The following FRY variants were observed in gnomAD, a reference collection of about 807,000 sequenced individuals.
The protein encoded by FRY is FRY microtubule binding protein, also known as protein furry homolog.
FRY carries 128 observed loss-of-function variants against 348.4 expected under a neutral mutation model. The ratio of observed to expected loss-of-function variants is 0.37; its 90% confidence interval spans 0.32 to 0.43. FRY has a LOEUF of 0.43. FRY is among the 20% of genes least tolerant of loss of function. The pLI, the probability that FRY is intolerant of heterozygous loss-of-function variation, is 1.00. For missense variants in FRY, 2,736 were observed against 3,695.2 expected (o/e 0.74, Z 6.73); for synonymous variants, 1,370 against 1,374.7 (o/e 1.00, Z 0.08).
At chr13:32,220,366 A>G (rs570066820) in intron 36 of FRY, among the ~76,000 whole-genome samples, 1 of 152,230 alleles carries the variant, frequency 6.6e-6, no homozygotes, top group African/African-American at 2.4e-5. Flanking sequence ...TCATGCTCTA[A>G]TGTAGGTTAA....
At chr13:32,221,239 C>G (rs112344002) in intron 36 of FRY, among the ~76,000 whole-genome samples, 25 of 152,310 alleles carry the variant, frequency 1.6e-4, no homozygotes, top group African/African-American at 5.1e-4. Context: ...CAGCATTCTA[C>G]ACTGGACCAG....
At chr13:32,093,205 C>T (rs1185230110) in intron 2 of FRY, among the ~76,000 whole-genome samples, 3 of 152,174 alleles carry the variant, frequency 2.0e-5, no homozygotes, top group African/African-American at 4.8e-5. Flanking sequence ...CTAAACAAAA[C>T]TGCAATACTA....
chr13:32,144,705 G>A (rs1417757141), intron 11 of FRY, among the ~76,000 whole-genome samples: 4 of 152,188 alleles, frequency 2.6e-5, no homozygotes, highest in African/African-American at 9.7e-5. Context: ...CTATCAGAAA[G>A]TTAAGACACT....
intron 18 of FRY, 29 bp downstream of exon 18, chr13:32,171,299 A>ATAT: frequency 9.4e-6 from 6 of 638,158 alleles, no homozygotes; most frequent in African/African-American, 8.9e-5. Flanking sequence ...CCATGAATTT[A>ATAT]TATTCTTTTT....
chr13:32,192,081 A>G (rs1023867755), intron 28 of FRY, among the ~76,000 whole-genome samples: 3 of 152,110 alleles, frequency 2.0e-5, no homozygotes, highest in African/African-American at 4.8e-5. Flanking sequence ...GAGAGTGCCC[A>G]GGGGAGGGTT....
At chr13:32,119,108 A>G (rs1878488345) in intron 4 of FRY, among the ~76,000 whole-genome samples, 1 of 152,244 alleles carries the variant, frequency 6.6e-6, no homozygotes, top group Non-Finnish European at 1.5e-5. Context: ...ATAAAGAATC[A>G]GGACAGTAAA....
At chr13:32,212,888 T>C (rs1318465418) in intron 35 of FRY, among the ~76,000 whole-genome samples, 4 of 152,188 alleles carry the variant, frequency 2.6e-5, no homozygotes, top group Non-Finnish European at 5.9e-5. Context: ...TTAATAATAA[T>C]ATTTCCCCTA....
intron 2 of FRY, among the ~76,000 whole-genome samples, chr13:32,090,694 T>C (rs149530244): frequency 6.6e-6 from 1 of 152,288 alleles, no homozygotes; most frequent in African/African-American, 2.4e-5. Flanking sequence ...TTACATTTCT[T>C]AGTAGCTGCT....
intron 23 of FRY, among the ~76,000 whole-genome samples, chr13:32,182,529 C>T (rs2138253564): frequency 6.6e-6 from 1 of 152,288 alleles, no homozygotes; most frequent in South Asian, 2.1e-4. Context: ...CATCTCTTTT[C>T]CACTAATTAG....
chr13:32,257,316 C>T (rs1178843061), intron 51 of FRY, among the ~76,000 whole-genome samples: 1 of 152,192 alleles, frequency 6.6e-6, no homozygotes, highest in Non-Finnish European at 1.5e-5. Context: ...AGTATATCTT[C>T]ATCTGATAAA....
At chr13:32,228,744 C>G in intron 40 of FRY, 90 bp downstream of exon 40, 1 of 1,088,188 alleles carries the variant, frequency 9.2e-7, no homozygotes, top group Non-Finnish European at 1.4e-6. Context: ...GAAAAGTGAT[C>G]CTGGGGTTCT....
intron 1 of FRY, among the ~76,000 whole-genome samples, chr13:32,076,026 A>G (rs1875029670): frequency 6.6e-6 from 1 of 152,202 alleles, no homozygotes; most frequent in South Asian, 2.1e-4. Context: ...AATATTTTTT[A>G]TGATAGCAGT....
intron 1 of FRY, among the ~76,000 whole-genome samples, chr13:32,043,112 C>A (rs548837164): frequency 6.6e-6 from 1 of 152,258 alleles, no homozygotes; most frequent in Non-Finnish European, 1.5e-5. Flanking sequence ...GAAAGGCACA[C>A]CTCACATGGC....
At chr13:32,212,230 T>C (rs1048815455) in intron 34 of FRY, 62 bp from the exon 35 acceptor site, 7 of 911,422 alleles carry the variant, frequency 7.7e-6, no homozygotes, top group Non-Finnish European at 1.3e-5. Context: ...TACTTGAGAC[T>C]TGAGCTTGAC....
intron 1 of FRY, among the ~76,000 whole-genome samples, chr13:32,061,839 A>G (rs1873958190): frequency 6.6e-6 from 1 of 152,232 alleles, no homozygotes; most frequent in Non-Finnish European, 1.5e-5. Context: ...ATATTGTACA[A>G]CATTTCCAAA....
intron 1 of FRY, among the ~76,000 whole-genome samples, chr13:32,052,604 C>T (rs1873394358): frequency 1.3e-5 from 2 of 151,990 alleles, no homozygotes; most frequent in Admixed American, 1.3e-4. Context: ...TTGAGGAATT[C>T]AGAACTCAGT....
intron 11 of FRY, among the ~76,000 whole-genome samples, chr13:32,139,776 A>G (rs938161472): frequency 4.6e-5 from 7 of 152,110 alleles, no homozygotes; most frequent in African/African-American, 1.4e-4. Flanking sequence ...TTTTTCTTCT[A>G]TGTATTTTAT....
At chr13:32,145,193 A>G (rs1188906995) in intron 11 of FRY, among the ~76,000 whole-genome samples, 1 of 152,206 alleles carries the variant, frequency 6.6e-6, no homozygotes, top group Non-Finnish European at 1.5e-5. Context: ...TGCCAGGCCA[A>G]GAAATGTTAG....
At chr13:32,105,479 A>C (rs894164997) in intron 3 of FRY, among the ~76,000 whole-genome samples, 1 of 152,222 alleles carries the variant, frequency 6.6e-6, no homozygotes, top group Non-Finnish European at 1.5e-5. Flanking sequence ...CCAACAAACT[A>C]TAAGAATTTC....
Sources: gnomAD v4.1 joint callset for allele counts (sites outside exome capture counted in the v4.1 genomes callset) on GRCh38, gnomAD v4.1.1 for gene constraint, MANE v1.5 for transcripts, NCBI Gene and HGNC (gene_info 2026-07-23, HGNC 2026-07-21) for gene names.